Variants in AMBN observed in about 807,000 individuals in gnomAD.
The protein encoded by AMBN is ameloblastin, also known as enamel matrix protein.
Under a neutral mutation model 48.0 loss-of-function variants are expected in AMBN, and 54 were observed. The ratio of observed to expected loss-of-function variants is 1.12; its 90% CI spans 0.90 to 1.41. AMBN has a LOEUF of 1.41. Ranked by LOEUF, AMBN falls within the 40% of genes most tolerant of loss-of-function variation. The pLI is 0.00. For missense variants in AMBN, 571 were observed against 547.3 expected (o/e 1.04, Z -0.43); for synonymous variants, 186 against 190.0 (o/e 0.98, Z 0.17).
At chr4:70,604,201 A>G (rs1737588990) in intron 12 of AMBN, among the ~76,000 whole-genome samples, 1 of 152,210 alleles carries the variant, frequency 6.6e-6, no homozygotes, top group Non-Finnish European at 1.5e-5. Flanking sequence ...AAAGGCCGTC[A>G]TTGAACTATA....
rs537308228 is a variant in AMBN, at chr4:70,596,234, C to T, written c.85-765C>T. 2.2e-4 allele frequency among the ~76,000 whole-genome samples: 32 copies of T among 147,880 alleles called. No individual in the cohort carries two copies. The South Asian group carries it at 5.3e-3, about 25-fold the overall frequency. ...GGCAGAGGTTGCAGTGAGCCGAGAT[C>T]ACGGTACTGCACTCCAGCCTGGGTG... On this transcript the variant is annotated intron_variant, in intron 2 of 12. Coordinates refer to ENST00000322937, the MANE Select transcript of AMBN (RefSeq NM_016519.6).
intron 2 of AMBN, among the ~76,000 whole-genome samples, 169 bp downstream of exon 2, chr4:70,593,564 T>A (rs546558306): frequency 6.6e-6 from 1 of 152,242 alleles, no homozygotes; most frequent in East Asian, 1.9e-4. Context: ...AGTCTTGCAA[T>A]CCAAAAGCGG....
intron 2 of AMBN, among the ~76,000 whole-genome samples, chr4:70,596,483 T>C (rs1455768753): frequency 1.3e-5 from 2 of 152,168 alleles, no homozygotes; most frequent in African/African-American, 4.8e-5. Flanking sequence ...CTAAAAATGA[T>C]AGGGAATTTG....
chr4:70,603,158 T>G, intron 9 of AMBN, 102 bp from the exon 10 acceptor site: 1 of 1,346,586 alleles, frequency 7.4e-7, no homozygotes, highest in South Asian at 1.3e-5. Flanking sequence ...ATACTTATTT[T>G]CTATACTAAT....
At position 70,605,709 on chromosome 4, in the gene AMBN, G is replaced by A. The variant is rs1253229675; in HGVS notation, c.799-476G>A. Among the ~76,000 whole-genome samples the A allele has an allele frequency of 2.6e-5, 4 of 152,036 alleles. No homozygotes were observed. In the East Asian group the frequency reaches 7.7e-4, roughly 29 times the overall value. On this transcript the variant is annotated intron_variant, in intron 12 of 12. Transcript: ENST00000322937. ...AGGCTGAGGCAAGAAGATCACTTGA[G>A]CCTAGGAGTTCTAGACCAGCAGCCT...
chr4:70,599,658 G>T lies in AMBN; in HGVS notation c.294+12G>T. ...ATGAAACTCAACAGGTGAGTGAATA[G>T]CATCAATATGTTTGAAACCTCAGGC... On this transcript the variant is annotated intron_variant, in intron 5 of 12. Coordinates refer to ENST00000322937, the MANE Select transcript of AMBN (RefSeq NM_016519.6). The T allele has an allele frequency of 6.4e-7, 1 of 1,574,082 alleles. No individual in the cohort carries two copies. The highest frequency in any genetic ancestry group is 1.7e-4 in the Middle Eastern group (1 of 5,966).
intron 2 of AMBN, among the ~76,000 whole-genome samples, chr4:70,594,243 C>T (rs1577953342): frequency 6.6e-6 from 1 of 152,116 alleles, no homozygotes; most frequent in East Asian, 1.9e-4. Context: ...AGTGATGGGG[C>T]TAATTGTGTA....
chr4:70,598,339 CT>C lies in AMBN; in HGVS notation c.136-9del, dbSNP rs759960410. 3.2e-5 allele frequency: 49 copies of C among 1,552,298 alleles called. No homozygotes were observed. The highest frequency in any genetic ancestry group is 1.7e-4 in the Middle Eastern group (1 of 5,878). On this transcript the variant is annotated splice_polypyrimidine_tract_variant and intron_variant, in intron 3 of 12. Coordinates refer to ENST00000322937, the MANE Select transcript of AMBN (RefSeq NM_016519.6). Reference sequence around the variant, plus strand: ...AGCATATGCGATAAACAGTAACCCACTTTTTTTTCTTGATAGACAATGAGAC... The same window carrying C: ...AGCATATGCGATAAACAGTAACCCACTTTTTTTCTTGATAGACAATGAGAC...
At position 70,606,462 on chromosome 4, in the gene AMBN, A is replaced by T. The variant is rs1434179581; in HGVS notation, c.1076A>T (p.Asp359Val). ...GCAGGGCTCCTTGCTCTCCCTAAGG[A>T]TGACATTCCCGGCCTGCCAAGGAGC... Reference protein sequence around the residue: ...PHAGLLALPKDDIPGLPRSPS... With the variant: ...PHAGLLALPKVDIPGLPRSPS... The change falls in exon 13 of 13, where the codon GAT becomes GTT. Residue 359 changes from aspartate to valine, a missense_variant. Asp to Val is a radical substitution (Grantham distance 152, BLOSUM62 -3). Transcript: ENST00000322937. The T allele has an allele frequency of 1.2e-6, 2 of 1,613,874 alleles. No individual in the cohort carries two copies.
rs1197804911 is a variant in AMBN at position 70,606,255 on chromosome 4, A to T, written c.869A>T (p.Glu290Val). The T allele has an allele frequency of 1.2e-6, 2 of 1,614,026 alleles. No homozygotes were observed. Among genetic ancestry groups the T allele is most frequent in the Admixed American group, 1.7e-5 (1 of 60,014 alleles). ...TTTGGAGGCATGAGGCCCGGCTTTG[A>T]GGGAATGCCCCACAACCCAGCTATG... ...PGFGGMRPGF[E>V]GMPHNPAMGG... Residue 290 changes from glutamate to valine, a missense_variant, in exon 13 of 13, where the codon GAG becomes GTG. By Grantham distance (121) the Glu-to-Val change is moderately radical (BLOSUM62 -2). Coordinates refer to ENST00000322937, the MANE Select transcript of AMBN (RefSeq NM_016519.6).
At chr4:70,592,579 GT>G (rs33910648) in intron 1 of AMBN, among the ~76,000 whole-genome samples, 54,721 of 151,020 alleles carry the variant, frequency 0.36, 10,757 homozygotes, top group Middle Eastern at 0.58. Context: ...TATAGATTGT[GT>G]TTTTTTTAAT....
rs189892663 is a variant in AMBN, at chr4:70,605,746, T to C, written c.799-439T>C. Among the ~76,000 whole-genome samples the C allele has an allele frequency of 1.5e-3, 228 of 152,096 alleles. 1 individual carries two copies. The highest frequency in any genetic ancestry group is 5.2e-3 in the African/African-American group (215 of 41,490). ...TAGACCAGCAGCCTGGGCCGTATAATGAGACCCCTAAAAGAAAAAAAAAGT... is the reference window on the plus strand; with the variant it reads ...TAGACCAGCAGCCTGGGCCGTATAACGAGACCCCTAAAAGAAAAAAAAAGT... On this transcript the variant is annotated intron_variant, in intron 12 of 12. Coordinates refer to ENST00000322937, the MANE Select transcript of AMBN (RefSeq NM_016519.6).
chr4:70,596,066 G>A (rs1737378336), intron 2 of AMBN, among the ~76,000 whole-genome samples: 1 of 152,024 alleles, frequency 6.6e-6, no homozygotes, highest in Non-Finnish European at 1.5e-5. Context: ...AAGGTGGGCG[G>A]ATCACTTGAG....
chr4:70,601,547 GA>G lies in AMBN; in HGVS notation c.426del (p.Ala143HisfsTer39). 1 of 1,614,188 alleles carries G rather than the reference GA, an allele frequency of 6.2e-7. No individual in the cohort carries two copies. Among genetic ancestry groups the G allele is most frequent in the Non-Finnish European group, 8.5e-7 (1 of 1,180,006 alleles). The stretch of plus-strand genomic sequence containing the variant: ...CACCAACCAGGCCACAGCACTGAAA[GA>G]AGCACTTCAGCCTCCAATTCACCTG... ...ATTNQATALK[E>X]ALQPPIHLGH... is the part of the protein sequence containing the mutation. On this transcript the variant is annotated frameshift_variant, in exon 6 of 13. Coordinates refer to ENST00000322937, the MANE Select transcript of AMBN (RefSeq NM_016519.6). LOFTEE classifies it high-confidence loss of function.
intron 2 of AMBN, among the ~76,000 whole-genome samples, chr4:70,595,433 C>T (rs559957759): frequency 2.0e-5 from 3 of 152,088 alleles, no homozygotes; most frequent in Non-Finnish European, 4.4e-5. Context: ...GATTTGCCCA[C>T]CTCAGCCTCC....
chr4:70,605,046 A>G (rs1410171638), intron 12 of AMBN, among the ~76,000 whole-genome samples: 2 of 152,114 alleles, frequency 1.3e-5, no homozygotes, highest in African/African-American at 4.8e-5. Flanking sequence ...AATGAATGGA[A>G]AAGATAGGTA....
chr4:70,598,293 G>GA, intron 3 of AMBN, 63 bp from the exon 4 acceptor site: 1 of 1,166,230 alleles, frequency 8.6e-7, no homozygotes, highest in Non-Finnish European at 1.2e-6. Context: ...AATATCATGA[G>GA]AAATCAGTTG....
intron 12 of AMBN, among the ~76,000 whole-genome samples, chr4:70,605,527 G>T (rs1039264948): frequency 6.6e-6 from 1 of 152,120 alleles, no homozygotes; most frequent in African/African-American, 2.4e-5. Context: ...GGTAGAAAAA[G>T]AAACATGGTC....
rs768378208 is a variant in AMBN, at chr4:70,601,472, A to G, written c.349A>G (p.Lys117Glu). The change falls in exon 6 of 13, where the codon AAG becomes GAG. Residue 117 changes from lysine (K) to glutamate (E), a missense_variant. Transcript: ENST00000322937. ...ACCTCTCCCATCACAGCCATCCTTG[A>G]AGCCTCAACAGCCAGGACTGAAACC... ...PPPLPSQPSL[K>E]PQQPGLKPFL... 6.2e-7 allele frequency: 1 copy of G among 1,614,192 alleles called. No individual in the cohort carries two copies. Among genetic ancestry groups the G allele is most frequent in the East Asian group, 2.2e-5 (1 of 44,886 alleles).
Sources: allele counts gnomAD v4.1 joint callset (sites outside exome capture counted in the v4.1 genomes callset), GRCh38; gene constraint gnomAD v4.1.1; transcripts MANE v1.5; gene names NCBI Gene and HGNC (gene_info 2026-07-23, HGNC 2026-07-21).